Variants in MIER3 observed in about 807,000 individuals in gnomAD.
The protein encoded by MIER3 is MIER family member 3.
MIER3 carries 9 observed loss-of-function variants against 63.2 expected under a neutral mutation model. The observed-to-expected ratio is 0.14, with a 90% CI of 0.09 to 0.25. The LOEUF is 0.25. Among genes scored for constraint, MIER3 ranks in the 10% least tolerant of loss-of-function variants. The probability of loss-of-function intolerance (pLI) is 1.00; values close to 1 mark genes in which losing one functional copy is unlikely to be tolerated. For missense variants in MIER3, 512 were observed against 666.2 expected (o/e 0.77, Z 2.55); for synonymous variants, 205 against 224.9 (o/e 0.91, Z 0.79).
In MIER3 at chr5:56,939,002, G is replaced by A; in HGVS notation, c.196C>T (p.Leu66=). Residue 66 remains leucine (L), a synonymous_variant, in exon 4 of 13, where the codon CTA becomes TTA. Transcript: ENST00000381199. ...EDLEKEGTMP[L]EDLLAFYGYE... is the part of the protein sequence containing the mutation. ...CCATAGAATGCCAGTAAATCTTCTA[G>A]AGGCATGGTTCCTTCCTGTTCAAGC... is the stretch of plus-strand genomic sequence containing the variant. 1 of 1,614,112 alleles carries A rather than the reference G, an allele frequency of 6.2e-7. No homozygotes were observed. The highest frequency in any genetic ancestry group is 1.3e-5 in the African/African-American group (1 of 75,044).
chr5:56,924,677 A>G (rs1039545783), intron 10 of MIER3, among the ~76,000 whole-genome samples: 12 of 152,142 alleles, frequency 7.9e-5, no homozygotes, highest in African/African-American at 2.9e-4. Flanking sequence ...AACAACAACA[A>G]TAAAATTTGA....
At chr5:56,937,098 A>G (rs1750472707) in intron 5 of MIER3, among the ~76,000 whole-genome samples, 1 of 152,024 alleles carries the variant, frequency 6.6e-6, no homozygotes, top group Non-Finnish European at 1.5e-5. Flanking sequence ...TTATTGAGAC[A>G]GAATCTCTCT....
At chr5:56,928,032 C>T (rs572826066) in intron 10 of MIER3, 2 of 151,184 alleles carry the variant, frequency 1.3e-5, no homozygotes, top group African/African-American at 4.8e-5. Flanking sequence ...CACATGTCTC[C>T]TTGCGGCTTG....
intron 5 of MIER3, 31 bp from the exon 6 acceptor site, chr5:56,935,782 C>A: frequency 6.4e-7 from 1 of 1,560,146 alleles, no homozygotes; most frequent in Non-Finnish European, 8.8e-7. Flanking sequence ...AAGGTTTTTA[C>A]TGCCTATTTT....
In MIER3 at chr5:56,923,533, C is replaced by G. The variant is rs13158348; in HGVS notation, c.1248G>C (p.Leu416Phe). The G allele has an allele frequency of 1.9e-6, 3 of 1,614,028 alleles. No individual in the cohort carries two copies. In the African/African-American group the frequency reaches 4.0e-5, roughly 22 times the overall value. ...TGCCCAGTGGAGGAAAGCTATCATC[C>G]AAACAATTCACATCTGTGGGGTCGC... ...TVCDPTDVNC[L>F]DDSFPPLGNT... Residue 416 changes from leucine to phenylalanine, a missense_variant, in exon 13 of 13, where the codon TTG becomes TTC. This residue lies in a region of MIER3 where 218 missense variants were observed against 251.2 expected (regional missense o/e 0.87). Transcript: ENST00000381199.
At position 56,935,689 on chromosome 5, in the gene MIER3, T is replaced by C; in HGVS notation, c.499A>G (p.Asn167Asp). ...ACCTTCCTCAAATCTTCAGGTGAATTACCACTGTCTGTTTCAACATCTTCA... is the reference window on the plus strand; with the variant it reads ...ACCTTCCTCAAATCTTCAGGTGAATCACCACTGTCTGTTTCAACATCTTCA... ...EVEDVETDSGNSPEDLRKEIM... is the reference protein window; with the variant it reads ...EVEDVETDSGDSPEDLRKEIM... Residue 167 changes from asparagine (N) to aspartate (D), a missense_variant, in exon 6 of 13, where the codon AAT becomes GAT. Around this residue, in one of 5 missense-constraint regions of MIER3, gnomAD observed 118 missense variants for 133.6 expected, o/e 0.88. Transcript: ENST00000381199. The C allele has an allele frequency of 6.2e-7, 1 of 1,614,044 alleles. No homozygotes were observed. The highest frequency in any genetic ancestry group is 8.5e-7 in the Non-Finnish European group (1 of 1,179,920).
chr5:56,941,595 A>G (rs1750648259), intron 3 of MIER3: 1 of 152,256 alleles, frequency 6.6e-6, no homozygotes, highest in Non-Finnish European at 1.5e-5. Context: ...TAGAATGAAG[A>G]ATGGCTCAAG....
intron 10 of MIER3, 86 bp from the exon 11 acceptor site, chr5:56,924,128 A>T: frequency 1.6e-6 from 2 of 1,287,986 alleles, no homozygotes; most frequent in Non-Finnish European, 2.2e-6. Context: ...CTACAACTTC[A>T]ATCCATGGGT....
At chr5:56,947,137 T>A (rs1053652306) in intron 2 of MIER3, 66 bp from the exon 3 acceptor site, 14 of 1,518,908 alleles carry the variant, frequency 9.2e-6, no homozygotes, top group Non-Finnish European at 1.2e-5. Context: ...AAATAAAAAT[T>A]TGTGTTCTTC....
At chr5:56,951,896 A>T (rs2112164798) in intron 1 of MIER3, among the ~76,000 whole-genome samples, 198 bp downstream of exon 1, 1 of 150,146 alleles carries the variant, frequency 6.7e-6, no homozygotes, top group African/African-American at 2.4e-5. Context: ...TCCCGGAGGG[A>T]GACCGCTCCC....
intron 8 of MIER3, among the ~76,000 whole-genome samples, chr5:56,931,128 TTTTA>T (rs1224529059): frequency 6.6e-6 from 1 of 152,234 alleles, no homozygotes; most frequent in Non-Finnish European, 1.5e-5. Flanking sequence ...TCCCTGTCTC[TTTTA>T]GTTTTAATAT....
rs1327458981 is a variant in MIER3, at chr5:56,922,010, C to A, written c.*1118G>T. The stretch of plus-strand genomic sequence containing the variant: ...TTTAAAACTTAAAAGTGGTAATGTA[C>A]CATTCTATTTCAGATAGGAACTCAC... On this transcript the variant is annotated 3_prime_UTR_variant, in exon 13 of 13. Coordinates refer to ENST00000381199, the MANE Select transcript of MIER3 (RefSeq NM_001297599.2). 1 of 152,574 alleles carries A rather than the reference C, an allele frequency of 6.6e-6. No individual in the cohort carries two copies. Among genetic ancestry groups the A allele is most frequent in the Non-Finnish European group, 1.5e-5 (1 of 68,028 alleles). The allele number at this position is 152,574 out of a possible 1,614,324, so 9.5% of individuals were successfully genotyped here.
chr5:56,928,809 G>A lies in MIER3; in HGVS notation c.882C>T (p.Leu294=), dbSNP rs1188138975. 1.2e-6 allele frequency: 2 copies of A among 1,613,488 alleles called. No homozygotes were observed. Among genetic ancestry groups the A allele is most frequent in the African/African-American group, 2.7e-5 (2 of 74,880 alleles). The part of the protein sequence containing the change: ...EEECRSFEHA[L]MLFGKDFHLI... ...GATGAAAATCTTTTCCAAAAAGCAT[G>A]AGTGCATGTTCAAAGCTTCGGCATT... The change falls in exon 10 of 13, where the codon CTC becomes CTT. Residue 294 remains leucine (L), a synonymous_variant. Coordinates refer to ENST00000381199, the MANE Select transcript of MIER3 (RefSeq NM_001297599.2).
In MIER3 at chr5:56,919,615, AT is replaced by A. The variant is rs1749569937; in HGVS notation, c.*3512del. On this transcript the variant is annotated 3_prime_UTR_variant, in exon 13 of 13. Transcript: ENST00000381199. ...CAAACCAAGAAAAAAAGATTCCCAGATTTTTATTTCTGGAACTGTACACCAG... is the reference window on the plus strand; with the variant it reads ...CAAACCAAGAAAAAAAGATTCCCAGATTTTATTTCTGGAACTGTACACCAG... The A allele has an allele frequency of 6.6e-6, 1 of 152,634 alleles. No individual in the cohort carries two copies. The highest frequency in any genetic ancestry group is 1.5e-5 in the Non-Finnish European group (1 of 68,026). The allele number at this position is 152,634 out of a possible 1,614,324, so 9.5% of individuals were successfully genotyped here.
intron 2 of MIER3, among the ~76,000 whole-genome samples, chr5:56,950,027 TG>T (rs1043683189): frequency 6.6e-6 from 1 of 152,238 alleles, no homozygotes; most frequent in Non-Finnish European, 1.5e-5. Context: ...CAGGGGTTTC[TG>T]ACCTCAGGAA....
intron 5 of MIER3, among the ~76,000 whole-genome samples, chr5:56,937,308 C>T (rs952022211): frequency 2.0e-5 from 3 of 152,070 alleles, no homozygotes; most frequent in African/African-American, 4.8e-5. Flanking sequence ...AACTCCTGGC[C>T]TCAAGTGATC....
intron 4 of MIER3, chr5:56,938,250 TA>T (rs1409441850): frequency 2.1e-6 from 1 of 471,200 alleles, no homozygotes; most frequent in Non-Finnish European, 4.4e-6. Flanking sequence ...AGGTCTGTGG[TA>T]CATTAATATC....
Position 56,930,698 on chromosome 5 carries a change from G to T in MIER3, c.795C>A (p.Ile265=), listed in dbSNP as rs201366452. Residue 265 remains isoleucine (I), a synonymous_variant, in exon 9 of 13, where the codon ATC becomes ATA. Transcript: ENST00000381199. ...LKCNHNIKEA[I]ERYCCNGKAS... is the part of the protein sequence containing the mutation. ...CCTTTCCATTGCAGCAGTATCTTTC[G>T]ATTGCTTCCTTTATATTGTGGTTAC... 1.7e-4 allele frequency: 269 copies of T among 1,613,690 alleles called. 1 individual carries two copies. The East Asian group carries it at 4.9e-3, about 29-fold the overall frequency.
Position 56,922,685 on chromosome 5 carries a change from C to A in MIER3, c.*443G>T. ...ATCGGTACCTGTAAACATTGTTATT[C>A]CACTGCATCCATTACGGCAAAAGGA... On this transcript the variant is annotated 3_prime_UTR_variant, in exon 13 of 13. Coordinates refer to ENST00000381199, the MANE Select transcript of MIER3 (RefSeq NM_001297599.2). The A allele has an allele frequency of 6.0e-6, 1 of 167,138 alleles. No homozygotes were observed. Among genetic ancestry groups the A allele is most frequent in the Admixed American group, 5.5e-5 (1 of 18,078 alleles). 10.4% of individuals were successfully genotyped at this position (167,138 alleles called of 1,614,324 possible).
Sources: gnomAD v4.1 joint callset for allele counts (sites outside exome capture counted in the v4.1 genomes callset) on GRCh38, gnomAD v4.1.1 for gene constraint, gnomAD v4.1.1 regional missense constraint, MANE v1.5 for transcripts, NCBI Gene and HGNC (gene_info 2026-07-23, HGNC 2026-07-21) for gene names.